Variants in GSTT4 observed in about 807,000 individuals in gnomAD.
The protein encoded by GSTT4 is glutathione S-transferase theta 4.
intron 1 of GSTT4, chr22:24,004,523 C>G (rs2034308123): frequency 6.5e-6 from 1 of 153,930 alleles, no homozygotes; most frequent in Admixed American, 6.5e-5. Flanking sequence ...CCCCTCTGAC[C>G]CTCACTCAGG....
At chr22:23,990,864 C>G in the GSTT4 span, among the ~76,000 whole-genome samples, 140 of 66,628 alleles carry the variant, frequency 2.1e-3, no homozygotes, top group Middle Eastern at 8.5e-3. Context: ...AAGCAAAGAT[C>G]AAGCCTCTAT....
chr22:24,002,240 G>T (rs587743074), intron 2 of GSTT4, among the ~76,000 whole-genome samples: 1 of 152,270 alleles, frequency 6.6e-6, no homozygotes, highest in Non-Finnish European at 1.5e-5. Flanking sequence ...TCTGGTGCTG[G>T]ATGGAGGGTG....
chr22:23,997,205 A>G (rs1456361831), downstream of GSTT4, among the ~76,000 whole-genome samples: 3 of 150,910 alleles, frequency 2.0e-5, no homozygotes, highest in Admixed American at 6.6e-5. Context: ...TTTCCATTTC[A>G]TTTTTTCATT....
downstream of GSTT4, among the ~76,000 whole-genome samples, chr22:23,995,219 G>C (rs2034104703): frequency 6.6e-6 from 1 of 151,558 alleles, no homozygotes; most frequent in South Asian, 2.1e-4. Context: ...TGCAATCTCT[G>C]CTTCCCGGAT....
At chr22:23,997,391 A>T (rs1434371299), downstream of GSTT4, among the ~76,000 whole-genome samples, 170 of 151,970 alleles carry the variant, frequency 1.1e-3, 1 homozygote, top group African/African-American at 2.2e-4. Flanking sequence ...TAATTTTTTT[A>T]AAAAATATAT....
downstream of GSTT4, among the ~76,000 whole-genome samples, chr22:23,997,229 G>A (rs2034124791): frequency 6.6e-6 from 1 of 151,328 alleles, no homozygotes; most frequent in Non-Finnish European, 1.5e-5. Flanking sequence ...GTTTTTGTTT[G>A]TTTTTTGAGA....
chr22:23,995,349 A>G (rs2034106203), downstream of GSTT4, among the ~76,000 whole-genome samples: 4 of 152,212 alleles, frequency 2.6e-5, no homozygotes, highest in Admixed American at 6.5e-5. Context: ...TCCATGAACA[A>G]TTCAACAGAA....
At chr22:23,993,937 A>G (rs1244466712), downstream of GSTT4, among the ~76,000 whole-genome samples, 3 of 152,164 alleles carry the variant, frequency 2.0e-5, no homozygotes, top group Non-Finnish European at 4.4e-5. Context: ...CCTTCCCCCA[A>G]TATGGTCACT....
At chr22:23,999,247 T>C (rs2146226569) in intron 4 of GSTT4, among the ~76,000 whole-genome samples, 1 of 149,720 alleles carries the variant, frequency 6.7e-6, no homozygotes, top group East Asian at 2.0e-4. Context: ...CAAGAATGGG[T>C]GTGTGTGGGT....
At chr22:23,996,807 CT>C (rs1253477280), downstream of GSTT4, among the ~76,000 whole-genome samples, 27 of 142,376 alleles carry the variant, frequency 1.9e-4, no homozygotes, top group African/African-American at 6.7e-4. Context: ...CTTGTAATGT[CT>C]TTTTCTGTCT....
chr22:24,005,252 C>T lies in GSTT4; in HGVS notation c.105G>A (p.Leu35=). ...GCAGCAGTGGGAGTTGACCTTTCAG[C>T]AGATCCACAAACTGAAAGTTGAACT... The part of the protein sequence containing the change: ...DIQFNFQFVD[L]LKGHHHSKGY... Residue 35 remains leucine, a synonymous_variant, in exon 1 of 5, where the codon CTG becomes CTA. Transcript: ENST00000621179. 1 of 153,392 alleles carries T rather than the reference C, an allele frequency of 6.5e-6. No individual in the cohort carries two copies. Among genetic ancestry groups the T allele is most frequent in the Non-Finnish European group, 1.5e-5 (1 of 68,410 alleles). 9.5% of individuals were successfully genotyped at this position (153,392 alleles called of 1,614,324 possible). A position where few individuals can be genotyped will look rare whatever the true frequency, so the allele number is the denominator to read the frequency against.
At chr22:24,002,657 C>T (rs1266144578) in intron 2 of GSTT4, among the ~76,000 whole-genome samples, 2 of 125,842 alleles carry the variant, frequency 1.6e-5, no homozygotes, top group African/African-American at 5.5e-5. Flanking sequence ...AGTGAAACCC[C>T]GTCTCTACTA....
chr22:24,003,524 G>T (rs1175423930), intron 2 of GSTT4, among the ~76,000 whole-genome samples: 1 of 152,274 alleles, frequency 6.6e-6, no homozygotes, highest in Non-Finnish European at 1.5e-5. Flanking sequence ...TTTATGAATG[G>T]AATGATGGGG....
chr22:23,995,429 C>T (rs139186090), downstream of GSTT4, among the ~76,000 whole-genome samples: 4 of 152,306 alleles, frequency 2.6e-5, no homozygotes, highest in East Asian at 7.7e-4. Flanking sequence ...TTTAATGCTA[C>T]CTAATAATTC....
At chr22:23,990,039 G>A in the GSTT4 span, among the ~76,000 whole-genome samples, 2 of 149,664 alleles carry the variant, frequency 1.3e-5, no homozygotes, top group African/African-American at 4.9e-5. Flanking sequence ...GGCCTGCCCA[G>A]GGGGCTCTGG....
chr22:23,999,916 C>CCA (rs898965960), intron 4 of GSTT4, among the ~76,000 whole-genome samples, 159 bp downstream of exon 4: 5 of 152,208 alleles, frequency 3.3e-5, no homozygotes, highest in African/African-American at 1.2e-4. Context: ...CCTGTTGCCC[C>CCA]GATTGAGTCC....
chr22:23,989,708 T>G, the GSTT4 span, among the ~76,000 whole-genome samples: 1 of 151,196 alleles, frequency 6.6e-6, no homozygotes, highest in African/African-American at 2.4e-5. Context: ...TCTTCTTCCT[T>G]TCTTATGCCA....
At chr22:23,998,088 A>G (rs200051423), downstream of GSTT4, among the ~76,000 whole-genome samples, 49 of 152,280 alleles carry the variant, frequency 3.2e-4, no homozygotes, top group East Asian at 9.1e-3. Context: ...TATGCTCTAT[A>G]CTGGAGAATA....
intron 2 of GSTT4, among the ~76,000 whole-genome samples, chr22:24,001,713 C>T (rs1212339342): frequency 2.0e-5 from 3 of 152,244 alleles, no homozygotes; most frequent in South Asian, 2.1e-4. Context: ...CGGGGGGGCA[C>T]GATGGCTCAC....
Sources: allele counts gnomAD v4.1 joint callset (sites outside exome capture counted in the v4.1 genomes callset), GRCh38; gene constraint gnomAD v4.1.1; transcripts MANE v1.5; gene names NCBI Gene and HGNC (gene_info 2026-07-23, HGNC 2026-07-21).